The following FOCAD variants were observed in gnomAD, a reference collection of about 807,000 sequenced individuals.
FOCAD encodes the protein KIAA1797.
Under a neutral mutation model 225.6 loss-of-function variants are expected in FOCAD, and 198 were observed. The ratio of observed to expected loss-of-function variants is 0.88; its 90% CI spans 0.78 to 0.99. FOCAD has a LOEUF of 0.99. FOCAD is among the 50% of genes least tolerant of loss of function. The pLI is 0.00. For synonymous variants in FOCAD, 897 were observed against 755.0 expected, an observed-to-expected ratio of 1.19 and a Z score of -3.08; for missense variants, 2,713 against 2,123.6, an observed-to-expected ratio of 1.28 and a Z score of -5.46.
Position 20,820,851 on chromosome 9 carries a change from A to G in FOCAD, c.1663-90A>G, listed in dbSNP as rs2131417895. 8 of 1,401,740 alleles carry G rather than the reference A, an allele frequency of 5.7e-6. No individual in the cohort carries two copies. In the South Asian group the frequency reaches 1.0e-4, roughly 18 times the overall value. The allele number at this position is 1,401,740 out of a possible 1,614,324, so 86.8% of individuals were successfully genotyped here. ...GTATAATTTGCAATGCAAATGGAGG[A>G]TTTGGAGGTGAAAATGCTGAGTAAA... On this transcript the variant is annotated intron_variant, in intron 13 of 43. Transcript: ENST00000338382.
At chr9:20,933,179 G>A in intron 28 of FOCAD, 76 bp downstream of exon 28, 1 of 1,005,610 alleles carries the variant, frequency 9.9e-7, no homozygotes, top group South Asian at 1.4e-5. Flanking sequence ...TGCATGCTAT[G>A]GAGAAATATT....
At chr9:20,844,886 C>G (rs796828688) in intron 15 of FOCAD, among the ~76,000 whole-genome samples, 6 of 152,068 alleles carry the variant, frequency 3.9e-5, no homozygotes, top group African/African-American at 1.4e-4. Flanking sequence ...TTTCCTATCC[C>G]TTAGGTTTGT....
chr9:20,716,654 T>G (rs1825360426), intron 2 of FOCAD, among the ~76,000 whole-genome samples: 1 of 152,186 alleles, frequency 6.6e-6, no homozygotes, highest in South Asian at 2.1e-4. Flanking sequence ...CCTTTGCAAA[T>G]ATTTCTTATT....
At chr9:20,831,503 G>A (rs915409098) in intron 15 of FOCAD, among the ~76,000 whole-genome samples, 2 of 152,136 alleles carry the variant, frequency 1.3e-5, no homozygotes, top group Non-Finnish European at 2.9e-5. Context: ...CTCACAGTCT[G>A]GTAGGGGAAA....
chr9:20,662,887 A>G (rs938235808), intron 2 of FOCAD, among the ~76,000 whole-genome samples: 6 of 152,230 alleles, frequency 3.9e-5, no homozygotes, highest in African/African-American at 1.4e-4. Flanking sequence ...AAAAATCAAG[A>G]CATTTAAACT....
intron 5 of FOCAD, among the ~76,000 whole-genome samples, chr9:20,756,762 C>T (rs1829090040): frequency 6.6e-6 from 1 of 152,114 alleles, no homozygotes; most frequent in Admixed American, 6.6e-5. Flanking sequence ...ACCATGAAGG[C>T]AATCTTAAAA....
intron 7 of FOCAD, among the ~76,000 whole-genome samples, chr9:20,768,208 A>T (rs1176870741): frequency 1.3e-5 from 2 of 148,808 alleles, no homozygotes; most frequent in African/African-American, 4.9e-5. Flanking sequence ...TACCAGTACC[A>T]TGCTGTTTTG....
intron 19 of FOCAD, among the ~76,000 whole-genome samples, chr9:20,878,042 G>T (rs1424366127): frequency 6.6e-6 from 1 of 152,020 alleles, no homozygotes; most frequent in Admixed American, 6.6e-5. Context: ...TATTGTGGAA[G>T]TTTCAACATT....
intron 15 of FOCAD, among the ~76,000 whole-genome samples, chr9:20,827,326 C>G (rs1270159939): frequency 2.6e-5 from 4 of 152,074 alleles, no homozygotes; most frequent in Admixed American, 2.0e-4. Context: ...TAAGTAGCTT[C>G]TTTCACTCAA....
intron 15 of FOCAD, among the ~76,000 whole-genome samples, chr9:20,830,248 A>G (rs867429595): frequency 7.9e-5 from 12 of 152,064 alleles, no homozygotes; most frequent in Admixed American, 4.6e-4. Flanking sequence ...TGGTTAATGT[A>G]TAATGTTTTG....
At chr9:20,914,092 C>T (rs1833673505) in intron 23 of FOCAD, among the ~76,000 whole-genome samples, 1 of 144,596 alleles carries the variant, frequency 6.9e-6, no homozygotes, top group Non-Finnish European at 1.5e-5. Flanking sequence ...TGGCAAAACT[C>T]TGTCTTTCCA....
intron 8 of FOCAD, among the ~76,000 whole-genome samples, chr9:20,774,819 G>C (rs1334386600): frequency 1.3e-5 from 2 of 152,068 alleles, no homozygotes; most frequent in African/African-American, 4.8e-5. Flanking sequence ...TCTCTCATTT[G>C]CCCAATGTTT....
At chr9:20,881,392 T>TC (rs1217572382) in intron 19 of FOCAD, among the ~76,000 whole-genome samples, 1 of 152,200 alleles carries the variant, frequency 6.6e-6, no homozygotes, top group Admixed American at 6.5e-5. Flanking sequence ...GAAGTTGTGA[T>TC]TTTATTTTAT....
chr9:20,864,341 C>T (rs944781887), intron 16 of FOCAD, among the ~76,000 whole-genome samples: 3 of 152,030 alleles, frequency 2.0e-5, no homozygotes, highest in African/African-American at 7.2e-5. Context: ...TGGAATCTGG[C>T]CTCATTAGTG....
chr9:20,813,529 A>G (rs1458230776), intron 11 of FOCAD, among the ~76,000 whole-genome samples: 1 of 152,158 alleles, frequency 6.6e-6, no homozygotes, highest in African/African-American at 2.4e-5. Flanking sequence ...TGATTTTTTA[A>G]ATAATGTTAA....
chr9:20,714,604 TTGCCTGCCTGCC>T (rs199729075), intron 1 of FOCAD, among the ~76,000 whole-genome samples: 3 of 59,298 alleles, frequency 5.1e-5, no homozygotes, highest in African/African-American at 1.8e-4. Flanking sequence ...TTTTGCATGC[TTGCCTGCCTGCC>T]TGCCTGCCTG....
intron 4 of FOCAD, chr9:20,726,383 C>G (rs548461923): frequency 1.6e-4 from 24 of 152,248 alleles, no homozygotes; most frequent in Non-Finnish European, 2.8e-4. Flanking sequence ...TCATGACAGC[C>G]TGTAATTTCA....
chr9:20,990,261 T>C lies in FOCAD; in HGVS notation c.5143T>C (p.Phe1715Leu). 1 of 1,614,186 alleles carries C rather than the reference T, an allele frequency of 6.2e-7. No homozygotes were observed. Among genetic ancestry groups the C allele is most frequent in the South Asian group, 1.1e-5 (1 of 91,084 alleles). ...ENGPAGPVPS[F>L]LGRSPMHRVT... is the part of the protein sequence containing the mutation. Reference sequence around the variant, plus strand: ...TGGCCCGGCTGGGCCAGTACCAAGCTTCCTTGGCAGGAGTCCAATGCACAG... The same window carrying C: ...TGGCCCGGCTGGGCCAGTACCAAGCCTCCTTGGCAGGAGTCCAATGCACAG... The change falls in exon 42 of 44, where the codon TTC becomes CTC. Residue 1715 changes from phenylalanine to leucine, a missense_variant. Transcript: ENST00000338382.
rs975132761 is a variant in FOCAD at position 20,732,914 on chromosome 9, T to G, written c.288-7322T>G. Among the ~76,000 whole-genome samples, 8 of 152,278 alleles carry G rather than the reference T, an allele frequency of 5.3e-5. No homozygotes were observed. In the East Asian group the frequency reaches 1.5e-3, roughly 29 times the overall value. On this transcript the variant is annotated intron_variant, in intron 4 of 43. Transcript: ENST00000338382. Reference sequence around the variant, plus strand: ...ATAGGGAACATTAGAAGACCAGGTGTGTCGGGGGAGAGCATGGGTTCAATT... The same window carrying G: ...ATAGGGAACATTAGAAGACCAGGTGGGTCGGGGGAGAGCATGGGTTCAATT...
Sources: gnomAD v4.1 joint callset for allele counts (sites outside exome capture counted in the v4.1 genomes callset) on GRCh38, gnomAD v4.1.1 for gene constraint, MANE v1.5 for transcripts, NCBI Gene and HGNC (gene_info 2026-07-23, HGNC 2026-07-21) for gene names.